Variants in DLG2 observed in about 807,000 individuals in gnomAD.
The protein encoded by DLG2 is disks large homolog 2.
A neutral mutation model predicts 132.5 loss-of-function variants in DLG2; 45 were observed. The ratio of observed to expected loss-of-function variants is 0.34; its 90% CI spans 0.27 to 0.44. DLG2 has a LOEUF of 0.44. Among genes scored for constraint, DLG2 ranks in the 20% least tolerant of loss-of-function variants. DLG2 has a pLI of 1.00. For synonymous variants in DLG2, 424 were observed against 419.6 expected, an observed-to-expected ratio of 1.01 and a Z score of -0.13; for missense variants, 1,045 against 1,196.9, an observed-to-expected ratio of 0.87 and a Z score of 1.87.
chr11:84,366,816 T>G (rs1169771757), intron 7 of DLG2, among the ~76,000 whole-genome samples: 3 of 152,072 alleles, frequency 2.0e-5, no homozygotes, highest in Non-Finnish European at 4.4e-5. Flanking sequence ...ATAAAGCAAG[T>G]CCTGAGCGCC....
At chr11:83,996,258 A>C (rs1169815448) in intron 11 of DLG2, among the ~76,000 whole-genome samples, 4 of 152,180 alleles carry the variant, frequency 2.6e-5, no homozygotes, top group Non-Finnish European at 4.4e-5. Context: ...ACTGCATATC[A>C]AAGCTACAAT....
At chr11:83,667,032 C>T (rs1485742155) in intron 18 of DLG2, among the ~76,000 whole-genome samples, 1 of 152,168 alleles carries the variant, frequency 6.6e-6, no homozygotes, top group Non-Finnish European at 1.5e-5. Context: ...ACGGTCAACG[C>T]TTTATCTTTC....
chr11:84,033,945 T>C (rs185562368), intron 11 of DLG2, among the ~76,000 whole-genome samples: 1 of 151,968 alleles, frequency 6.6e-6, no homozygotes, highest in African/African-American at 2.4e-5. Context: ...GCCGGGCATG[T>C]TGGCACATGC....
Position 85,601,603 on chromosome 11 carries a change from C to T in DLG2, c.-92-2815G>A, listed in dbSNP as rs151290896. On this transcript the variant is annotated intron_variant, in intron 2 of 27. Coordinates refer to ENST00000376104, the MANE Select transcript of DLG2 (RefSeq NM_001142699.3). Reference sequence around the variant, plus strand: ...ATCCACCCACCTCGGCCTCCCAAAGCACTGGGATTACATGTGTCAGCCACC... The same window carrying T: ...ATCCACCCACCTCGGCCTCCCAAAGTACTGGGATTACATGTGTCAGCCACC... Among the ~76,000 whole-genome samples the T allele has an allele frequency of 6.8e-3, 1,032 of 152,184 alleles. 16 individuals carry two copies. Among genetic ancestry groups the T allele is most frequent in the African/African-American group, 0.024 (1,002 of 41,530 alleles).
intron 18 of DLG2, among the ~76,000 whole-genome samples, chr11:83,637,195 A>G (rs1271159249): frequency 6.6e-6 from 1 of 152,160 alleles, no homozygotes; most frequent in East Asian, 1.9e-4. Flanking sequence ...AAACAGAAAA[A>G]CCTAACACTA....
At chr11:83,703,158 T>C (rs2083263252) in intron 18 of DLG2, among the ~76,000 whole-genome samples, 1 of 152,158 alleles carries the variant, frequency 6.6e-6, no homozygotes, top group South Asian at 2.1e-4. Context: ...AGCTCACAAA[T>C]ATGTTTATAA....
At chr11:84,545,190 G>A (rs945593267) in intron 6 of DLG2, 3 of 453,482 alleles carry the variant, frequency 6.6e-6, no homozygotes, top group Admixed American at 2.4e-5. Context: ...AGCCTCCTTG[G>A]TTTCATGGTT....
intron 24 of DLG2, among the ~76,000 whole-genome samples, chr11:83,470,662 C>T (rs1274669147): frequency 3.3e-5 from 5 of 152,190 alleles, no homozygotes; most frequent in Non-Finnish European, 7.4e-5. Context: ...ATGGCAGGAT[C>T]TCTTCCCAGA....
chr11:84,794,514 G>C (rs2074295645), intron 6 of DLG2, among the ~76,000 whole-genome samples: 1 of 152,156 alleles, frequency 6.6e-6, no homozygotes, highest in Admixed American at 6.5e-5. Context: ...TCAACACCTG[G>C]GCATCCCTGT....
intron 7 of DLG2, among the ~76,000 whole-genome samples, chr11:84,349,982 C>T (rs1366179658): frequency 6.6e-6 from 1 of 151,954 alleles, no homozygotes; most frequent in Non-Finnish European, 1.5e-5. Flanking sequence ...TGGAGACCAT[C>T]CTAGCTAACA....
At chr11:84,116,361 C>T (rs1399186028) in intron 9 of DLG2, among the ~76,000 whole-genome samples, 1 of 152,162 alleles carries the variant, frequency 6.6e-6, no homozygotes, top group Non-Finnish European at 1.5e-5. Context: ...TTTGTTAGTC[C>T]ATTCTCAAGT....
In DLG2 at chr11:83,459,860, T is replaced by C. The variant is rs763775851; in HGVS notation, c.2886A>G (p.Gln962=). ...YNQCKLVIEE[Q]SGPFIWIPSK... ...AGGGAATCCAGATGAAAGGCCCAGA[T>C]TGCTCTTCAATAACAAGCTTGCATT... Residue 962 remains glutamine, a synonymous_variant, in exon 28 of 28, where the codon CAA becomes CAG. Coordinates refer to ENST00000376104, the MANE Select transcript of DLG2 (RefSeq NM_001142699.3). 3.8e-5 allele frequency: 61 copies of C among 1,612,280 alleles called. No individual in the cohort carries two copies. Among genetic ancestry groups the C allele is most frequent in the Non-Finnish European group, 4.4e-5 (52 of 1,178,416 alleles).
At chr11:83,646,107 CTAGCTCGGTTCAGTGGAGAA>C (rs2068076110) in intron 18 of DLG2, among the ~76,000 whole-genome samples, 2 of 152,158 alleles carry the variant, frequency 1.3e-5, no homozygotes, top group Admixed American at 1.3e-4. Context: ...GCTTATCAAG[CTAGCTCGGTTCAGTGGAGAA>C]CTATAGCAGA....
At chr11:85,459,057 G>A (rs1448357996) in intron 3 of DLG2, among the ~76,000 whole-genome samples, 2 of 152,200 alleles carry the variant, frequency 1.3e-5, no homozygotes, top group Non-Finnish European at 2.9e-5. Flanking sequence ...TGATGAGAGG[G>A]TGTCAGGGAC....
At chr11:84,279,867 G>T (rs2154369659) in intron 7 of DLG2, among the ~76,000 whole-genome samples, 1 of 152,246 alleles carries the variant, frequency 6.6e-6, no homozygotes, top group Non-Finnish European at 1.5e-5. Context: ...TTTTTTTAAA[G>T]AAACAAAACT....
At chr11:85,421,357 G>A (rs936068977) in intron 3 of DLG2, among the ~76,000 whole-genome samples, 9 of 151,872 alleles carry the variant, frequency 5.9e-5, no homozygotes, top group Middle Eastern at 3.4e-3. Flanking sequence ...CGTTGATCTC[G>A]CTGGGAGCTA....
chr11:84,612,983 G>A (rs1395325932), intron 6 of DLG2, among the ~76,000 whole-genome samples: 2 of 152,114 alleles, frequency 1.3e-5, no homozygotes, highest in African/African-American at 4.8e-5. Context: ...TTTATAAAAT[G>A]GGGTACACAG....
intron 9 of DLG2, among the ~76,000 whole-genome samples, chr11:84,137,079 G>T (rs2154229661): frequency 6.6e-6 from 1 of 152,146 alleles, no homozygotes; most frequent in East Asian, 1.9e-4. Context: ...GAGAATCACA[G>T]ATTTTCTGGT....
chr11:84,169,261 T>C (rs1372097990), intron 8 of DLG2, among the ~76,000 whole-genome samples: 1 of 152,180 alleles, frequency 6.6e-6, no homozygotes, highest in Non-Finnish European at 1.5e-5. Flanking sequence ...TTCTACTTCA[T>C]AAAATTCTTG....
Sources: gnomAD v4.1 joint callset for allele counts (sites outside exome capture counted in the v4.1 genomes callset) on GRCh38, gnomAD v4.1.1 for gene constraint, MANE v1.5 for transcripts, NCBI Gene and HGNC (gene_info 2026-07-23, HGNC 2026-07-21) for gene names.